Variants in ZNF385D observed in about 807,000 individuals in gnomAD.
The protein encoded by ZNF385D is zinc finger protein 385D.
Under a neutral mutation model 35.8 loss-of-function variants are expected in ZNF385D, and 15 were observed. The ratio of observed to expected loss-of-function variants is 0.42; its 90% confidence interval spans 0.28 to 0.64. ZNF385D has a LOEUF of 0.64. ZNF385D is among the 30% of genes least tolerant of loss of function. ZNF385D has a pLI of 0.23. For missense variants in ZNF385D, 474 were observed against 494.6 expected, an observed-to-expected ratio of 0.96 and a Z score of 0.39; for synonymous variants, 212 against 186.8, an observed-to-expected ratio of 1.13 and a Z score of -1.10.
intron 5 of ZNF385D, among the ~76,000 whole-genome samples, chr3:21,426,883 T>C (rs939050860): frequency 6.6e-6 from 1 of 152,202 alleles, no homozygotes; most frequent in Non-Finnish European, 1.5e-5. Context: ...TGATTACATT[T>C]TACTGAGTCC....
chr3:21,808,963 G>A (rs1351168845), intron 3 of ZNF385D, among the ~76,000 whole-genome samples: 1 of 152,134 alleles, frequency 6.6e-6, no homozygotes, highest in African/African-American at 2.4e-5. Context: ...CAACCAGGAA[G>A]GGCATGCATT....
chr3:22,249,151 C>T (rs1699939266), intron 2 of ZNF385D, among the ~76,000 whole-genome samples: 1 of 152,090 alleles, frequency 6.6e-6, no homozygotes, highest in Non-Finnish European at 1.5e-5. Context: ...CAAGCCATGT[C>T]CATTCTAAAT....
chr3:22,363,395 T>C (rs1696506771), intron 2 of ZNF385D, among the ~76,000 whole-genome samples: 1 of 152,160 alleles, frequency 6.6e-6, no homozygotes, highest in Non-Finnish European at 1.5e-5. Context: ...AAGAGGTATG[T>C]GGCCCCCTCA....
chr3:21,958,813 AT>A (rs1242101011), intron 3 of ZNF385D: 5 of 152,152 alleles, frequency 3.3e-5, no homozygotes, highest in Non-Finnish European at 4.4e-5. Flanking sequence ...TCACGATATT[AT>A]TTTTTCTCTC....
At chr3:21,801,547 G>T (rs923295502) in intron 3 of ZNF385D, among the ~76,000 whole-genome samples, 1 of 152,104 alleles carries the variant, frequency 6.6e-6, no homozygotes, top group Non-Finnish European at 1.5e-5. Context: ...TATGTAACCA[G>T]AACTTAGATG....
chr3:21,976,155 T>G (rs1020201225), intron 3 of ZNF385D, among the ~76,000 whole-genome samples: 1 of 152,168 alleles, frequency 6.6e-6, no homozygotes, highest in Non-Finnish European at 1.5e-5. Flanking sequence ...CTGATCAGAT[T>G]TGAGTGATAT....
At chr3:22,233,722 T>C (rs957505390) in intron 2 of ZNF385D, among the ~76,000 whole-genome samples, 3 of 152,090 alleles carry the variant, frequency 2.0e-5, no homozygotes, top group Non-Finnish European at 4.4e-5. Flanking sequence ...AGGCTCTACT[T>C]TCTTGACATT....
chr3:21,918,787 C>T (rs548462795), intron 3 of ZNF385D, among the ~76,000 whole-genome samples: 1 of 152,036 alleles, frequency 6.6e-6, no homozygotes, highest in African/African-American at 2.4e-5. Context: ...CTTTATCTTC[C>T]TATTTTTAAT....
At chr3:21,816,062 C>A (rs980007422) in intron 3 of ZNF385D, among the ~76,000 whole-genome samples, 1 of 152,138 alleles carries the variant, frequency 6.6e-6, no homozygotes, top group Non-Finnish European at 1.5e-5. Flanking sequence ...AGCATATAAA[C>A]AGAACCAAAG....
chr3:21,893,558 T>C (rs2125885849), intron 3 of ZNF385D, among the ~76,000 whole-genome samples: 1 of 152,254 alleles, frequency 6.6e-6, no homozygotes, highest in Middle Eastern at 3.4e-3. Flanking sequence ...CACTTTATTG[T>C]GTCCTTAAAT....
chr3:21,709,827 T>C (rs890613574), intron 1 of ZNF385D, among the ~76,000 whole-genome samples: 7 of 152,180 alleles, frequency 4.6e-5, no homozygotes, highest in East Asian at 1.9e-4. Context: ...GTAAAAACTT[T>C]ACGAAAAACC....
intron 3 of ZNF385D, among the ~76,000 whole-genome samples, chr3:22,079,729 A>G (rs1421086387): frequency 6.6e-6 from 1 of 151,992 alleles, no homozygotes; most frequent in Non-Finnish European, 1.5e-5. Context: ...TTCTCTTTGA[A>G]GGATGGTTTT....
intron 3 of ZNF385D, among the ~76,000 whole-genome samples, chr3:22,041,445 A>G (rs1282631123): frequency 6.6e-6 from 1 of 152,174 alleles, no homozygotes; most frequent in African/African-American, 2.4e-5. Flanking sequence ...TGTTAAAGTT[A>G]TATTAAGCAA....
chr3:21,977,208 T>C (rs1703684688), intron 3 of ZNF385D, among the ~76,000 whole-genome samples: 1 of 152,176 alleles, frequency 6.6e-6, no homozygotes, highest in South Asian at 2.1e-4. Context: ...GTTGGTAATA[T>C]TCTATTATTT....
At chr3:21,900,976 G>A (rs574500029) in intron 3 of ZNF385D, among the ~76,000 whole-genome samples, 1 of 152,274 alleles carries the variant, frequency 6.6e-6, no homozygotes, top group African/African-American at 2.4e-5. Flanking sequence ...CCACCAGCCA[G>A]GTCTTGCCTG....
At chr3:21,447,152 C>T (rs1360774783) in intron 4 of ZNF385D, among the ~76,000 whole-genome samples, 1 of 152,098 alleles carries the variant, frequency 6.6e-6, no homozygotes, top group African/African-American at 2.4e-5. Context: ...GTACATACAA[C>T]TGATAAGCAC....
chr3:22,130,694 G>C (rs974731789), intron 3 of ZNF385D, among the ~76,000 whole-genome samples: 13 of 152,078 alleles, frequency 8.5e-5, no homozygotes, highest in African/African-American at 3.1e-4. Context: ...GATAGGAGAG[G>C]GGCGGTGTAG....
intron 3 of ZNF385D, among the ~76,000 whole-genome samples, chr3:22,048,504 C>T (rs573463810): frequency 6.6e-6 from 1 of 152,232 alleles, no homozygotes; most frequent in South Asian, 2.1e-4. Flanking sequence ...AAGGGACTGT[C>T]CCTTCCCTGT....
chr3:21,830,005 T>C (rs1213597795), intron 3 of ZNF385D, among the ~76,000 whole-genome samples: 1 of 151,856 alleles, frequency 6.6e-6, no homozygotes, highest in African/African-American at 2.4e-5. Flanking sequence ...GCGCCTTTAA[T>C]CCCAGCTGCT....
Sources: allele counts gnomAD v4.1 joint callset (sites outside exome capture counted in the v4.1 genomes callset), GRCh38; gene constraint gnomAD v4.1.1; transcripts MANE v1.5; gene names NCBI Gene and HGNC (gene_info 2026-07-23, HGNC 2026-07-21).